The following TULP4 variants were observed in gnomAD, a reference collection of about 807,000 sequenced individuals.
TULP4 encodes the protein tubby-related protein 4.
TULP4 carries 16 observed loss-of-function variants against 129.0 expected under a neutral mutation model. The observed-to-expected ratio is 0.12, with a 90% CI of 0.08 to 0.19. The LOEUF (loss-of-function observed/expected upper bound fraction) is 0.19. Ranked by LOEUF, TULP4 falls within the 10% of genes least tolerant of loss-of-function variation. The probability of loss-of-function intolerance (pLI) is 1.00; values close to 1 mark genes in which losing one functional copy is unlikely to be tolerated. For missense variants in TULP4, 1,842 were observed against 2,059.1 expected, an observed-to-expected ratio of 0.89 and a Z score of 2.04; for synonymous variants, 998 against 854.0, an observed-to-expected ratio of 1.17 and a Z score of -2.94.
chr6:158,488,537 G>T (rs1780120309), intron 8 of TULP4, among the ~76,000 whole-genome samples: 1 of 152,136 alleles, frequency 6.6e-6, no homozygotes, highest in South Asian at 2.1e-4. Context: ...AGGGGCCCCT[G>T]TTCACAGATG....
intron 1 of TULP4, among the ~76,000 whole-genome samples, chr6:158,272,833 T>C (rs903003315): frequency 1.3e-5 from 2 of 152,250 alleles, no homozygotes; most frequent in Non-Finnish European, 2.9e-5. Context: ...AGTAGATGTG[T>C]AGTTCTCAAT....
intron 1 of TULP4, among the ~76,000 whole-genome samples, chr6:158,259,364 C>G (rs9459826): frequency 0.17 from 26,282 of 152,144 alleles, 2,709 homozygotes; most frequent in Middle Eastern, 0.24. Context: ...ACTCCACTGA[C>G]TTTTGAGGTT....
At chr6:158,297,681 C>T (rs761541277) in intron 1 of TULP4, among the ~76,000 whole-genome samples, 3 of 152,202 alleles carry the variant, frequency 2.0e-5, no homozygotes, top group Non-Finnish European at 2.9e-5. Context: ...CAGCTGGTCC[C>T]TCTGTTCGGG....
chr6:158,410,752 T>G (rs2115003161), intron 1 of TULP4, among the ~76,000 whole-genome samples: 1 of 152,306 alleles, frequency 6.6e-6, no homozygotes, highest in East Asian at 1.9e-4. Flanking sequence ...TAAGGACTTT[T>G]GTTGATGTTG....
chr6:158,293,092 A>G (rs827865), intron 1 of TULP4, among the ~76,000 whole-genome samples: 19,863 of 152,220 alleles, frequency 0.13, 1,618 homozygotes, highest in African/African-American at 0.22. Context: ...CTAATCAAGC[A>G]GTTTGTCTGC....
chr6:158,395,668 C>CGGGG, intron 1 of TULP4, among the ~76,000 whole-genome samples: 1 of 83,060 alleles, frequency 1.2e-5, no homozygotes, highest in South Asian at 4.5e-4. Flanking sequence ...AAGTGATGGG[C>CGGGG]GGGGGGGGGG....
At chr6:158,289,272 TGTCA>T (rs56718569) in intron 1 of TULP4, among the ~76,000 whole-genome samples, 3,012 of 152,238 alleles carry the variant, frequency 0.02, 101 homozygotes, top group African/African-American at 0.069. Context: ...CTCTTTTCAT[TGTCA>T]GTATTTATTT....
At chr6:158,454,010 G>T (rs1779228715) in intron 5 of TULP4, among the ~76,000 whole-genome samples, 1 of 99,502 alleles carries the variant, frequency 1.0e-5, no homozygotes, top group Non-Finnish European at 1.9e-5. Flanking sequence ...AATCATACCT[G>T]CCTCTGCACC....
intron 1 of TULP4, among the ~76,000 whole-genome samples, chr6:158,395,067 C>G (rs1376687963): frequency 1.3e-5 from 2 of 152,118 alleles, no homozygotes; most frequent in Non-Finnish European, 2.9e-5. Flanking sequence ...AAATCCGCCC[C>G]CATGATCCAG....
chr6:158,251,498 A>C (rs979907079), intron 1 of TULP4, among the ~76,000 whole-genome samples: 1 of 152,246 alleles, frequency 6.6e-6, no homozygotes, highest in African/African-American at 2.4e-5. Flanking sequence ...AAAGAAGTAC[A>C]CTGTCTCTTC....
intron 1 of TULP4, among the ~76,000 whole-genome samples, chr6:158,404,096 T>G (rs2114987262): frequency 6.6e-6 from 1 of 152,378 alleles, no homozygotes; most frequent in South Asian, 2.1e-4. Flanking sequence ...CCACTCATGC[T>G]CCGGCTCTCT....
chr6:158,479,684 CATT>C, intron 6 of TULP4, 64 bp from the exon 7 acceptor site: 2 of 1,458,974 alleles, frequency 1.4e-6, no homozygotes, highest in South Asian at 2.4e-5. Flanking sequence ...GACAAGTGTG[CATT>C]ATCCCTTTTT....
chr6:158,485,267 A>G lies in TULP4; in HGVS notation c.1486+3978A>G, dbSNP rs573148560. On this transcript the variant is annotated intron_variant, in intron 8 of 13. Coordinates refer to ENST00000367097, the MANE Select transcript of TULP4 (RefSeq NM_020245.5). Reference sequence around the variant, plus strand: ...TATAGTAAAATGCAAAAGGAGAAAGATGAATGGAAGAAGGAATTGTTAAGA... The same window carrying G: ...TATAGTAAAATGCAAAAGGAGAAAGGTGAATGGAAGAAGGAATTGTTAAGA... Among the ~76,000 whole-genome samples, 3 of 152,356 alleles carry G rather than the reference A, an allele frequency of 2.0e-5. No homozygotes were observed. The South Asian group carries it at 6.2e-4, about 32-fold the overall frequency.
chr6:158,302,217 C>T (rs1035661044), intron 1 of TULP4, among the ~76,000 whole-genome samples: 13 of 152,178 alleles, frequency 8.5e-5, no homozygotes, highest in Non-Finnish European at 1.5e-4. Context: ...ATTCAGCACT[C>T]CCTGAGGAAG....
intron 1 of TULP4, chr6:158,241,914 T>A: frequency 1.3e-6 from 1 of 776,250 alleles, no homozygotes; most frequent in East Asian, 2.4e-5. Context: ...ATTCTATAGC[T>A]TGTAGTTGTT....
chr6:158,260,702 C>T (rs1173957010), intron 1 of TULP4, among the ~76,000 whole-genome samples: 3 of 151,888 alleles, frequency 2.0e-5, no homozygotes, highest in Non-Finnish European at 4.4e-5. Flanking sequence ...TGAGAAATGC[C>T]AGCATTTGAG....
upstream of TULP4, among the ~76,000 whole-genome samples, chr6:158,310,980 T>A (rs558349376): frequency 6.6e-6 from 1 of 152,318 alleles, no homozygotes; most frequent in South Asian, 2.1e-4. Flanking sequence ...TTCTTTTTTT[T>A]AATCTATGAC....
intron 1 of TULP4, among the ~76,000 whole-genome samples, chr6:158,393,049 T>C (rs915091354): frequency 6.6e-6 from 1 of 150,996 alleles, no homozygotes; most frequent in African/African-American, 2.4e-5. Context: ...GTACATTTAT[T>C]GGGTAAATGC....
At chr6:158,246,023 G>GGGGT (rs113914160) in intron 1 of TULP4, among the ~76,000 whole-genome samples, 8,894 of 145,898 alleles carry the variant, frequency 0.061, 340 homozygotes, top group East Asian at 0.098. Context: ...ACCCCTTAGG[G>GGGGT]GTGTGTGTGT....
Sources: gnomAD v4.1 joint callset for allele counts (sites outside exome capture counted in the v4.1 genomes callset) on GRCh38, gnomAD v4.1.1 for gene constraint, MANE v1.5 for transcripts, NCBI Gene and HGNC (gene_info 2026-07-23, HGNC 2026-07-21) for gene names.